RELL1: variants seen among roughly 807,000 people sequenced by gnomAD.
The protein encoded by RELL1 is RELT like 1.
RELL1 carries 10 observed loss-of-function variants against 23.0 expected under a neutral mutation model. The observed-to-expected ratio is 0.43, with a 90% CI of 0.27 to 0.74. The LOEUF is 0.74. Among genes scored for constraint, RELL1 ranks in the 30% least tolerant of loss-of-function variants. RELL1 has a pLI of 0.19. For synonymous variants in RELL1, 146 were observed against 146.8 expected (o/e 0.99, Z 0.04); for missense variants, 315 against 364.4 (o/e 0.86, Z 1.10).
chr4:37,666,027 C>T (rs1329100264), intron 1 of RELL1, among the ~76,000 whole-genome samples: 1 of 152,162 alleles, frequency 6.6e-6, no homozygotes, highest in African/African-American at 2.4e-5. Context: ...GTGACTGATG[C>T]CCCTGTGGAG....
intron 1 of RELL1, among the ~76,000 whole-genome samples, chr4:37,657,822 G>A (rs976515343): frequency 1.3e-5 from 2 of 152,142 alleles, no homozygotes; most frequent in Non-Finnish European, 2.9e-5. Flanking sequence ...TGAGATGGGA[G>A]GATCAAATGA....
At chr4:37,671,802 C>T (rs1419666077) in intron 1 of RELL1, among the ~76,000 whole-genome samples, 4 of 152,190 alleles carry the variant, frequency 2.6e-5, no homozygotes, top group East Asian at 3.8e-4. Context: ...CTTTACTCTA[C>T]GGATTTGCCC....
chr4:37,598,183 A>G (rs1231823249), intron 6 of RELL1, among the ~76,000 whole-genome samples: 1 of 138,270 alleles, frequency 7.2e-6, no homozygotes, highest in African/African-American at 2.6e-5. Context: ...AAATGACAGA[A>G]ACCCAAACTA....
chr4:37,675,433 CACAGA>C (rs1253494319), intron 1 of RELL1, among the ~76,000 whole-genome samples: 2 of 152,190 alleles, frequency 1.3e-5, no homozygotes, highest in Admixed American at 6.5e-5. Context: ...TCCACATCTC[CACAGA>C]ACAGAGAATA....
Position 37,604,832 on chromosome 4 carries a change from TAC to T in RELL1, c.*4-13617_*4-13616del, listed in dbSNP as rs778946737. ...ACAGACACACACACAGACACACACA[TAC>T]ACACAGACACACACACAGACACACA... On this transcript the variant is annotated intron_variant, in intron 6 of 6. Coordinates refer to the RELL1 transcript ENST00000314117. 2.6e-3 allele frequency among the ~76,000 whole-genome samples: 246 copies of T among 93,546 alleles called. 4 individuals are homozygous for T. The highest frequency in any genetic ancestry group is 3.3e-3 in the Admixed American group (33 of 10,134). 61.4% of individuals were successfully genotyped at this position (93,546 alleles called of 152,430 possible). A position where few individuals can be genotyped will look rare whatever the true frequency, so the allele number is the denominator to read the frequency against.
chr4:37,606,236 CAA>C (rs1381979819), downstream of RELL1, among the ~76,000 whole-genome samples: 4 of 132,912 alleles, frequency 3.0e-5, no homozygotes, highest in Non-Finnish European at 5.4e-5. The surrounding 1 kb of genome is among the most constrained non-coding windows in gnomAD (Gnocchi z 4.1). Context: ...GGAAAGAAGA[CAA>C]GAGAAAGAAA....
intron 1 of RELL1, among the ~76,000 whole-genome samples, chr4:37,658,197 C>T (rs1721195981): frequency 6.6e-6 from 1 of 152,046 alleles, no homozygotes; most frequent in South Asian, 2.1e-4. Context: ...ATTCAGGACA[C>T]AGCTGAGATG....
intron 2 of RELL1, among the ~76,000 whole-genome samples, chr4:37,648,305 A>T (rs191112112): frequency 3.5e-4 from 54 of 152,342 alleles, no homozygotes; most frequent in Non-Finnish European, 7.2e-4. Flanking sequence ...TCACAGGCTC[A>T]TACATGACTC....
At chr4:37,645,004 T>C (rs944674162) in intron 3 of RELL1, among the ~76,000 whole-genome samples, 3 of 152,088 alleles carry the variant, frequency 2.0e-5, no homozygotes, top group Non-Finnish European at 2.9e-5. Context: ...GGCTTCACTT[T>C]ATAACATGGG....
downstream of RELL1, among the ~76,000 whole-genome samples, chr4:37,605,765 A>AAGAAAGAG (rs147338700): frequency 1.6e-3 from 151 of 92,168 alleles, 2 homozygotes; most frequent in East Asian, 5.4e-3. Context: ...AGAATAAAGA[A>AAGAAAGAG]AGAGAGAGAG....
At chr4:37,615,610 C>T (rs1466410002) in intron 6 of RELL1, among the ~76,000 whole-genome samples, 1 of 152,224 alleles carries the variant, frequency 6.6e-6, no homozygotes, top group Non-Finnish European at 1.5e-5. Flanking sequence ...GACCACACCA[C>T]ACTGAGCAAG....
At chr4:37,672,379 A>G (rs936547447) in intron 1 of RELL1, among the ~76,000 whole-genome samples, 1 of 152,130 alleles carries the variant, frequency 6.6e-6, no homozygotes, top group African/African-American at 2.4e-5. Context: ...AGAAATCCCA[A>G]GGGTTATTTT....
intron 6 of RELL1, among the ~76,000 whole-genome samples, chr4:37,628,947 C>G (rs1720037983): frequency 6.6e-6 from 1 of 152,194 alleles, no homozygotes; most frequent in Non-Finnish European, 1.5e-5. Flanking sequence ...CAGAATCAGA[C>G]AGATTCGGGC....
At chr4:37,670,594 G>GTTT (rs1721801454) in intron 1 of RELL1, among the ~76,000 whole-genome samples, 1 of 144,516 alleles carries the variant, frequency 6.9e-6, no homozygotes, top group African/African-American at 2.6e-5. Flanking sequence ...TTTTTGAGAT[G>GTTT]GAGTCTCACT....
intron 1 of RELL1, among the ~76,000 whole-genome samples, chr4:37,662,679 C>G (rs73230542): frequency 1.4e-3 from 217 of 152,142 alleles, no homozygotes; most frequent in Middle Eastern, 6.9e-3. Context: ...AAGTCCCTAG[C>G]CTACTCCACA....
intron 1 of RELL1, among the ~76,000 whole-genome samples, chr4:37,657,499 T>C (rs902149013): frequency 6.6e-6 from 1 of 152,010 alleles, no homozygotes. Context: ...AGAGCGGGAG[T>C]ATGAAGCAAT....
At chr4:37,609,850 TGAAA>T (rs1295029570), downstream of RELL1, among the ~76,000 whole-genome samples, 1 of 152,194 alleles carries the variant, frequency 6.6e-6, no homozygotes, top group Non-Finnish European at 1.5e-5. Flanking sequence ...TAACAGATGA[TGAAA>T]GAAAGTGGTT....
downstream of RELL1, among the ~76,000 whole-genome samples, chr4:37,609,439 A>G (rs184786252): frequency 2.0e-5 from 3 of 152,360 alleles, no homozygotes; most frequent in East Asian, 5.8e-4. Flanking sequence ...AAATGCTTTC[A>G]TGCCTGCTAA....
Position 37,630,165 on chromosome 4 carries a change from T to C in RELL1, c.*3+1220A>G, listed in dbSNP as rs184267241. Among the ~76,000 whole-genome samples the C allele has an allele frequency of 2.7e-5, 4 of 148,624 alleles. No homozygotes were observed. The East Asian group carries it at 8.4e-4, about 31-fold the overall frequency. On this transcript the variant is annotated intron_variant, in intron 6 of 6. Coordinates refer to ENST00000454158, the MANE Select transcript of RELL1 (RefSeq NM_001085400.2). ...GTAAGTGTAAACTCTTCTGCCTTCA[T>C]GTTCAGGCTCTGATGGTTCCATGGA...
Sources: gnomAD v4.1 joint callset for allele counts (sites outside exome capture counted in the v4.1 genomes callset) on GRCh38, gnomAD v4.1.1 for gene constraint, Gnocchi (gnomAD v3.1) non-coding constraint, MANE v1.5 for transcripts, NCBI Gene and HGNC (gene_info 2026-07-23, HGNC 2026-07-21) for gene names.